FGF1: variants seen among roughly 807,000 people sequenced by gnomAD.
FGF1 encodes the protein beta-endothelial cell growth factor.
FGF1 carries 9 observed loss-of-function variants against 13.4 expected under a neutral mutation model. The ratio of observed to expected loss-of-function variants is 0.67; its 90% confidence interval spans 0.40 to 1.17. The LOEUF is 1.17. Among genes scored for constraint, FGF1 ranks in the 50% most tolerant of loss-of-function variants. The probability of loss-of-function intolerance (pLI) is 0.01; values close to 1 mark genes in which losing one functional copy is unlikely to be tolerated. For synonymous variants in FGF1, 93 were observed against 79.0 expected, an observed-to-expected ratio of 1.18 and a Z score of -0.94; for missense variants, 156 against 192.7, an observed-to-expected ratio of 0.81 and a Z score of 1.13.
At chr5:142,694,668 G>A (rs899944260) in intron 2 of FGF1, among the ~76,000 whole-genome samples, 3 of 152,110 alleles carry the variant, frequency 2.0e-5, no homozygotes, top group Admixed American at 1.3e-4. Context: ...GAAAGGGCAG[G>A]GCCATAATGT....
chr5:142,633,081 G>A (rs1441673831), intron 1 of FGF1, among the ~76,000 whole-genome samples: 4 of 151,888 alleles, frequency 2.6e-5, no homozygotes, highest in South Asian at 2.1e-4. Flanking sequence ...CACCACACCC[G>A]GCTAATTTTT....
At chr5:142,646,238 A>G (rs1425236510) in intron 1 of FGF1, among the ~76,000 whole-genome samples, 1 of 74,678 alleles carries the variant, frequency 1.3e-5, no homozygotes. Flanking sequence ...TTTTTTGGAG[A>G]CAGAGTTTCA....
At chr5:142,650,963 T>G (rs999313249) in intron 1 of FGF1, among the ~76,000 whole-genome samples, 4 of 152,140 alleles carry the variant, frequency 2.6e-5, no homozygotes, top group Non-Finnish European at 5.9e-5. Context: ...TCATACTCAT[T>G]CCTAGCGTGC....
At chr5:142,604,904 C>G (rs1470254316) in intron 2 of FGF1, among the ~76,000 whole-genome samples, 1 of 152,140 alleles carries the variant, frequency 6.6e-6, no homozygotes, top group East Asian at 1.9e-4. Context: ...CTCTTGTGTT[C>G]AAGATCACAC....
At chr5:142,609,815 G>A (rs1424575956) in intron 2 of FGF1, among the ~76,000 whole-genome samples, 2 of 152,192 alleles carry the variant, frequency 1.3e-5, no homozygotes, top group Non-Finnish European at 2.9e-5. Flanking sequence ...ACGTTCCTAT[G>A]AGTGGGTGCT....
At chr5:142,614,235 A>G (rs1198822204) in intron 1 of FGF1, 74 bp from the exon 2 acceptor site, 1 of 1,227,988 alleles carries the variant, frequency 8.1e-7, no homozygotes, top group Non-Finnish European at 1.2e-6. Context: ...GAGAGGAAGG[A>G]CAGCTCCAGG....
intron 1 of FGF1, among the ~76,000 whole-genome samples, chr5:142,682,172 G>A (rs1309467709): frequency 3.3e-5 from 5 of 150,322 alleles, no homozygotes; most frequent in African/African-American, 1.2e-4. Context: ...TGCAAACTCT[G>A]CCTCCCAGGT....
At chr5:142,609,750 A>T (rs1279280052) in intron 2 of FGF1, among the ~76,000 whole-genome samples, 1 of 152,208 alleles carries the variant, frequency 6.6e-6, no homozygotes, top group East Asian at 1.9e-4. Flanking sequence ...TTGAGCACTT[A>T]TGTGCCTAGC....
intron 2 of FGF1, among the ~76,000 whole-genome samples, chr5:142,691,257 C>T (rs998387882): frequency 1.3e-4 from 20 of 151,992 alleles, no homozygotes; most frequent in Admixed American, 1.3e-3. Flanking sequence ...CCCGTCTCTA[C>T]TAAAAATTAC....
intron 1 of FGF1, among the ~76,000 whole-genome samples, chr5:142,636,383 C>T (rs1290432149): frequency 6.6e-6 from 1 of 152,212 alleles, no homozygotes; most frequent in Non-Finnish European, 1.5e-5. Context: ...ACCATGAGGT[C>T]CTGTTACATT....
chr5:142,695,192 T>C (rs760241139), intron 2 of FGF1, among the ~76,000 whole-genome samples: 2 of 152,220 alleles, frequency 1.3e-5, no homozygotes, highest in African/African-American at 2.4e-5. Flanking sequence ...GTAGGGTCAT[T>C]GTGAGGATTA....
At chr5:142,626,573 G>A (rs982285505) in intron 1 of FGF1, among the ~76,000 whole-genome samples, 1 of 152,098 alleles carries the variant, frequency 6.6e-6, no homozygotes, top group Non-Finnish European at 1.5e-5. Flanking sequence ...TACTCTACCA[G>A]CCCCCGGAAC....
chr5:142,662,297 C>T (rs1769405268), intron 1 of FGF1, among the ~76,000 whole-genome samples: 1 of 152,192 alleles, frequency 6.6e-6, no homozygotes, highest in Admixed American at 6.5e-5. Context: ...AAAATGTTCT[C>T]ACCTCGTTCA....
At chr5:142,634,028 CCAAA>C (rs961282208) in intron 1 of FGF1, among the ~76,000 whole-genome samples, 4 of 144,356 alleles carry the variant, frequency 2.8e-5, no homozygotes, top group African/African-American at 1.0e-4. Flanking sequence ...ACTAAAAATA[CCAAA>C]AAAAAAAAAA....
rs149819446 is a variant in FGF1 at position 142,609,204 on chromosome 5, G to A, written c.169+4755C>T. ...GTTTTGACCAGTGAACTCTGCTAGCGCCTTTAGGATGTGGCTTGATTTATA... is the reference window on the plus strand; with the variant it reads ...GTTTTGACCAGTGAACTCTGCTAGCACCTTTAGGATGTGGCTTGATTTATA... On this transcript the variant is annotated intron_variant, in intron 2 of 3. Coordinates refer to ENST00000337706, the MANE Select transcript of FGF1 (RefSeq NM_000800.5). Among the ~76,000 whole-genome samples the A allele has an allele frequency of 3.4e-3, 520 of 152,252 alleles. 2 individuals are homozygous for A. The highest frequency in any genetic ancestry group is 4.5e-3 in the Non-Finnish European group (305 of 68,016).
At position 142,608,571 on chromosome 5, in the gene FGF1, TATATATATATATAC is replaced by T. The variant is rs1410020851; in HGVS notation, c.169+5374_169+5387del. Among the ~76,000 whole-genome samples the T allele has an allele frequency of 1.1e-3, 96 of 88,036 alleles. 1 individual carries two copies. The highest frequency in any genetic ancestry group is 3.5e-3 in the African/African-American group (57 of 16,246). The allele number at this position is 88,036 out of a possible 152,430, so 57.8% of individuals were successfully genotyped here. ...ATATATATATATATATATATATATA[TATATATATATATAC>T]ACACACACACACATATATGTAAATA... On this transcript the variant is annotated intron_variant, in intron 2 of 3. Transcript: ENST00000337706.
chr5:142,632,866 G>A (rs142100311), intron 1 of FGF1, among the ~76,000 whole-genome samples: 56 of 152,070 alleles, frequency 3.7e-4, no homozygotes, highest in African/African-American at 1.3e-3. Context: ...GTCCACAATA[G>A]GAACATGCAA....
At chr5:142,609,963 A>G (rs2151858835) in intron 2 of FGF1, among the ~76,000 whole-genome samples, 1 of 152,278 alleles carries the variant, frequency 6.6e-6, no homozygotes, top group Non-Finnish European at 1.5e-5. Flanking sequence ...TGTTTATTGA[A>G]TCAGTTTGTG....
At chr5:142,602,944 C>G (rs765455278) in intron 2 of FGF1, among the ~76,000 whole-genome samples, 1 of 152,154 alleles carries the variant, frequency 6.6e-6, no homozygotes, top group Non-Finnish European at 1.5e-5. Context: ...ACCTAAGATG[C>G]AATTCTCCCT....
Sources: gnomAD v4.1 joint callset for allele counts (sites outside exome capture counted in the v4.1 genomes callset) on GRCh38, gnomAD v4.1.1 for gene constraint, MANE v1.5 for transcripts, NCBI Gene and HGNC (gene_info 2026-07-23, HGNC 2026-07-21) for gene names.